QSOX2: variants seen among roughly 807,000 people sequenced by gnomAD.
QSOX2 encodes sulfhydryl oxidase 2.
QSOX2 carries 46 observed loss-of-function variants against 61.7 expected under a neutral mutation model. That is an observed-to-expected ratio of 0.75 (90% CI 0.59 to 0.95). The LOEUF (loss-of-function observed/expected upper bound fraction) is 0.95. Among genes scored for constraint, QSOX2 ranks in the 40% least tolerant of loss-of-function variants. The probability of loss-of-function intolerance (pLI) is 0.00; values close to 1 mark genes in which losing one functional copy is unlikely to be tolerated. For missense variants in QSOX2, 879 were observed against 918.9 expected, an observed-to-expected ratio of 0.96 and a Z score of 0.56; for synonymous variants, 383 against 388.4, an observed-to-expected ratio of 0.99 and a Z score of 0.16.
chr9:136,238,157 T>C (rs1830405513), intron 1 of QSOX2, among the ~76,000 whole-genome samples: 1 of 152,236 alleles, frequency 6.6e-6, no homozygotes, highest in Admixed American at 6.5e-5. Flanking sequence ...AACATGATGC[T>C]GAGAGGACAC....
At chr9:136,215,916 C>T (rs1031352745) in intron 9 of QSOX2, among the ~76,000 whole-genome samples, 3 of 152,182 alleles carry the variant, frequency 2.0e-5, no homozygotes, top group Admixed American at 1.3e-4. Context: ...ACCTCGAGCT[C>T]GGAGTAGAGT....
intron 6 of QSOX2, among the ~76,000 whole-genome samples, chr9:136,220,511 CAG>C (rs1269002781): frequency 2.6e-5 from 4 of 152,206 alleles, no homozygotes; most frequent in African/African-American, 9.6e-5. Flanking sequence ...CCAAGAGCCG[CAG>C]AGTCAACCGT....
rs1271009978 is a variant in QSOX2, at chr9:136,222,095, A to G, written c.676-154T>C. On this transcript the variant is annotated intron_variant, in intron 5 of 11. Coordinates refer to ENST00000358701, the MANE Select transcript of QSOX2 (RefSeq NM_181701.4). This position sits in a 1 kb window ranked among gnomAD's most constrained non-coding sequence, Gnocchi z 6.9. ...GACCCTCACTCAAATCTTCACTCTC[A>G]TTGCACTTTAAGGCAACTGACGGCA... Among the ~76,000 whole-genome samples, 1 of 137,994 alleles carries G rather than the reference A, an allele frequency of 7.2e-6. No homozygotes were observed. Among genetic ancestry groups the G allele is most frequent in the South Asian group, 2.2e-4 (1 of 4,612 alleles). The allele number at this position is 137,994 out of a possible 152,430, so 90.5% of individuals were successfully genotyped here.
chr9:136,208,457 A>C lies in QSOX2; in HGVS notation c.*271T>G. 2.4e-6 allele frequency: 1 copy of C among 419,692 alleles called. No individual in the cohort carries two copies. The highest frequency in any genetic ancestry group is 4.1e-5 in the East Asian group (1 of 24,664). The allele number at this position is 419,692 out of a possible 1,614,324, so 26.0% of individuals were successfully genotyped here. On this transcript the variant is annotated 3_prime_UTR_variant, in exon 12 of 12. Transcript: ENST00000358701. ...TTCACATCTAGAAGAGTAAAAATAC[A>C]GAAGTCTTTTTGCTGTAAGACCTGC...
Position 136,222,296 on chromosome 9 carries a change from C to T in QSOX2, c.676-355G>A, listed in dbSNP as rs866535615. 6.6e-6 allele frequency among the ~76,000 whole-genome samples: 1 copy of T among 152,214 alleles called. No homozygotes were observed. Among genetic ancestry groups the T allele is most frequent in the Non-Finnish European group, 1.5e-5 (1 of 68,036 alleles). ...GCCACACCCCACGGCCTCGCACTCC[C>T]GTCCCGCGTGTGGAAGCTTCGTGGC... is the stretch of plus-strand genomic sequence containing the variant. On this transcript the variant is annotated intron_variant, in intron 5 of 11. Coordinates refer to ENST00000358701, the MANE Select transcript of QSOX2 (RefSeq NM_181701.4). This position sits in a 1 kb window ranked among gnomAD's most constrained non-coding sequence, Gnocchi z 6.9.
In QSOX2 at chr9:136,208,695, G is replaced by A. The variant is rs372636667; in HGVS notation, c.*33C>T. On this transcript the variant is annotated 3_prime_UTR_variant, in exon 12 of 12. Coordinates refer to ENST00000358701, the MANE Select transcript of QSOX2 (RefSeq NM_181701.4). ...GCACGGGGCAGGGCTGCCTCCAAGG[G>A]AGCTTCCGCCGTGGCTGGCAGCACC... The A allele has an allele frequency of 2.0e-4, 316 of 1,578,550 alleles. No homozygotes were observed. Among genetic ancestry groups the A allele is most frequent in the Middle Eastern group, 1.2e-3 (7 of 5,806 alleles).
At chr9:136,216,553 C>A in intron 9 of QSOX2, 47 bp downstream of exon 9, 1 of 1,602,856 alleles carries the variant, frequency 6.2e-7, no homozygotes, top group Non-Finnish European at 8.5e-7. Flanking sequence ...GGAAGGAAGG[C>A]GAGGGAAGGA....
Position 136,213,243 on chromosome 9 carries a change from G to T in QSOX2, c.1361-1791C>A, listed in dbSNP as rs75812639. Among the ~76,000 whole-genome samples, 81 of 111,038 alleles carry T rather than the reference G, an allele frequency of 7.3e-4. 2 individuals are homozygous for T. In the East Asian group the frequency reaches 0.014, roughly 19 times the overall value. The allele number at this position is 111,038 out of a possible 152,430, so 72.8% of individuals were successfully genotyped here. Reference sequence around the variant, plus strand: ...CACGCTTCAGAAGCAGTTTTGTTGTGTTTTTTTTTTTTTTTTTTTTTTGAG... The same window carrying T: ...CACGCTTCAGAAGCAGTTTTGTTGTTTTTTTTTTTTTTTTTTTTTTTTGAG... On this transcript the variant is annotated intron_variant, in intron 10 of 11. Coordinates refer to ENST00000358701, the MANE Select transcript of QSOX2 (RefSeq NM_181701.4).
intron 1 of QSOX2, among the ~76,000 whole-genome samples, chr9:136,232,731 T>C (rs1182436151): frequency 5.3e-5 from 8 of 151,710 alleles, no homozygotes; most frequent in Admixed American, 3.9e-4. Flanking sequence ...CCCAGGAGTT[T>C]AAGACCAGCC....
chr9:136,235,762 C>T (rs1830375594), intron 1 of QSOX2, among the ~76,000 whole-genome samples: 1 of 152,230 alleles, frequency 6.6e-6, no homozygotes, highest in Admixed American at 6.5e-5. Flanking sequence ...CTGGTGGCTA[C>T]AGAGGCAGCA....
At chr9:136,217,541 A>G (rs1831929003) in intron 8 of QSOX2, among the ~76,000 whole-genome samples, 1 of 152,254 alleles carries the variant, frequency 6.6e-6, no homozygotes, top group Non-Finnish European at 1.5e-5. Flanking sequence ...ATTTACCAGA[A>G]TCAAATTTAT....
At chr9:136,220,558 C>T (rs747415344) in intron 6 of QSOX2, among the ~76,000 whole-genome samples, 6 of 152,262 alleles carry the variant, frequency 3.9e-5, no homozygotes, top group Non-Finnish European at 8.8e-5. Flanking sequence ...CCTGCAGGTG[C>T]TGCAACTTCA....
At chr9:136,214,413 G>A (rs1367576831) in intron 10 of QSOX2, among the ~76,000 whole-genome samples, 7 of 152,198 alleles carry the variant, frequency 4.6e-5, no homozygotes, top group Non-Finnish European at 1.0e-4. Context: ...ATCTGACAGA[G>A]GTGATGGAAT....
In QSOX2 at chr9:136,226,872, A is replaced by C; in HGVS notation, c.331T>G (p.Trp111Gly). ...GCTGCGACGCGAATGGCACTGGCCC[A>C]GTCTGAAAAGCAGGAGCATGACCTT... ...WRALAGDVRD[W>G]ASAIRVAALD... Residue 111 changes from tryptophan (W) to glycine (G), a missense_variant and splice_region_variant, in exon 2 of 12, where the codon TGG becomes GGG. Coordinates refer to ENST00000358701, the MANE Select transcript of QSOX2 (RefSeq NM_181701.4). The C allele has an allele frequency of 6.2e-7, 1 of 1,613,966 alleles. No individual in the cohort carries two copies. Among genetic ancestry groups the C allele is most frequent in the Non-Finnish European group, 8.5e-7 (1 of 1,179,818 alleles).
rs936099403 is a variant in QSOX2, at chr9:136,221,821, T to G, written c.796A>C (p.Asn266His). 1 of 1,610,720 alleles carries G rather than the reference T, an allele frequency of 6.2e-7. No homozygotes were observed. ...SVPSCYLIYP[N>H]GSHGLINVVK... ...ACGTTAATCAATCCATGCGACCCAT[T>G]TGGGTAGATCAGGTAACACGAAGGG... The change falls in exon 6 of 12, where the codon AAT (asparagine) becomes CAT (histidine). Residue 266 changes from asparagine to histidine, a missense_variant. Transcript: ENST00000358701. The surrounding 1 kb of genome is among the most constrained non-coding windows in gnomAD (Gnocchi z 4.5).
At position 136,206,348 on chromosome 9, in the gene QSOX2, G is replaced by A. The variant is rs1259581238; in HGVS notation, c.*2380C>T. 1 of 152,590 alleles carries A rather than the reference G, an allele frequency of 6.6e-6. No homozygotes were observed. The highest frequency in any genetic ancestry group is 1.9e-4 in the East Asian group (1 of 5,290). The allele number at this position is 152,590 out of a possible 1,614,324, so 9.5% of individuals were successfully genotyped here. The stretch of plus-strand genomic sequence containing the variant: ...AGAATCACCATTTTTTCAAATGTCA[G>A]ATTTCTTTATTAAAATGTGCACATT... On this transcript the variant is annotated 3_prime_UTR_variant, in exon 12 of 12. Coordinates refer to ENST00000358701, the MANE Select transcript of QSOX2 (RefSeq NM_181701.4).
rs1386411995 is a variant in QSOX2 at position 136,206,844 on chromosome 9, G to GTCACCCCAGC, written c.*1874_*1883dup. On this transcript the variant is annotated 3_prime_UTR_variant, in exon 12 of 12. Transcript: ENST00000358701. ...ACAACACCGTCCCAGGTCACTCCAG[G>GTCACCCCAGC]TCACCCCAGCTAAAGACATTCAACA... The GTCACCCCAGC allele has an allele frequency of 2.0e-5, 3 of 152,376 alleles. No individual in the cohort carries two copies. Among genetic ancestry groups the GTCACCCCAGC allele is most frequent in the Non-Finnish European group, 4.4e-5 (3 of 68,060 alleles). The allele number at this position is 152,376 out of a possible 1,614,324, so 9.4% of individuals were successfully genotyped here. A position where few individuals can be genotyped will look rare whatever the true frequency, so the allele number is the denominator to read the frequency against.
At chr9:136,211,714 G>T (rs1450322004) in intron 10 of QSOX2, among the ~76,000 whole-genome samples, 1 of 152,216 alleles carries the variant, frequency 6.6e-6, no homozygotes, top group African/African-American at 2.4e-5. Context: ...ATGCCCTGGT[G>T]CCAGGAGGAT....
At chr9:136,217,401 A>G (rs1475259) in intron 8 of QSOX2, among the ~76,000 whole-genome samples, 101,182 of 152,036 alleles carry the variant, frequency 0.67, 34,187 homozygotes, top group African/African-American at 0.78. Flanking sequence ...GACCAGAAAC[A>G]CCAGCCACCA....
Sources: gnomAD v4.1 joint callset for allele counts (sites outside exome capture counted in the v4.1 genomes callset) on GRCh38, gnomAD v4.1.1 for gene constraint, Gnocchi (gnomAD v3.1) non-coding constraint, MANE v1.5 for transcripts, NCBI Gene and HGNC (gene_info 2026-07-23, HGNC 2026-07-21) for gene names.